NR3C2: variants seen among roughly 807,000 people sequenced by gnomAD.
The protein encoded by NR3C2 is nuclear receptor subfamily 3 group C member 2, also known as mineralocorticoid receptor.
Under a neutral mutation model 86.4 loss-of-function variants are expected in NR3C2, and 15 were observed. That is an observed-to-expected ratio of 0.17 (90% CI 0.12 to 0.27). The LOEUF (loss-of-function observed/expected upper bound fraction) is 0.27, where lower values mean the gene tolerates loss of function less well. Among genes scored for constraint, NR3C2 ranks in the 10% least tolerant of loss-of-function variants. The pLI is 1.00. For synonymous variants in NR3C2, 458 were observed against 450.5 expected, an observed-to-expected ratio of 1.02 and a Z score of -0.21; for missense variants, 960 against 1,195.6, an observed-to-expected ratio of 0.80 and a Z score of 2.91.
chr4:148,254,848 A>G (rs544724054), intron 3 of NR3C2, among the ~76,000 whole-genome samples: 3 of 152,214 alleles, frequency 2.0e-5, no homozygotes, highest in Non-Finnish European at 2.9e-5. Flanking sequence ...CTTCCTGTAC[A>G]TGATTCATGG....
chr4:148,304,700 G>C (rs6854097), intron 2 of NR3C2, among the ~76,000 whole-genome samples: 1 of 151,964 alleles, frequency 6.6e-6, no homozygotes, highest in Non-Finnish European at 1.5e-5. Flanking sequence ...AGATGCAGGA[G>C]GAAGATAAGG....
intron 8 of NR3C2, among the ~76,000 whole-genome samples, chr4:148,082,681 T>TTTTC (rs1730630534): frequency 6.6e-6 from 1 of 151,066 alleles, no homozygotes; most frequent in Non-Finnish European, 1.5e-5. Flanking sequence ...TTTTTTTTTT[T>TTTTC]TCATACCCCA....
chr4:148,312,608 G>T (rs1177237298), intron 2 of NR3C2, among the ~76,000 whole-genome samples: 1 of 152,096 alleles, frequency 6.6e-6, no homozygotes, highest in Non-Finnish European at 1.5e-5. Context: ...AAAGCCACCT[G>T]CAAAAGTATA....
chr4:148,317,465 T>C (rs1484746831), intron 2 of NR3C2, among the ~76,000 whole-genome samples: 1 of 152,086 alleles, frequency 6.6e-6, no homozygotes, highest in Non-Finnish European at 1.5e-5. Context: ...ATATCCGCAA[T>C]ATCCCAACTA....
intron 2 of NR3C2, among the ~76,000 whole-genome samples, chr4:148,392,784 TAC>T (rs1747654931): frequency 6.6e-6 from 1 of 152,374 alleles, no homozygotes. Context: ...CTGAGACATG[TAC>T]ATCTGCGAAA....
At chr4:148,227,036 T>C (rs748672139) in intron 3 of NR3C2, among the ~76,000 whole-genome samples, 4 of 152,192 alleles carry the variant, frequency 2.6e-5, no homozygotes, top group Non-Finnish European at 5.9e-5. Flanking sequence ...AAATCTTACA[T>C]AAATATCTTA....
chr4:148,138,868 G>C (rs780762743), intron 6 of NR3C2, among the ~76,000 whole-genome samples: 1 of 152,210 alleles, frequency 6.6e-6, no homozygotes, highest in South Asian at 2.1e-4. Context: ...TGTTCTGATA[G>C]GAGTGGGTTA....
chr4:148,132,534 C>A (rs1309625120), intron 6 of NR3C2, among the ~76,000 whole-genome samples: 1 of 152,226 alleles, frequency 6.6e-6, no homozygotes, highest in Non-Finnish European at 1.5e-5. Context: ...GAAGAGCCTA[C>A]TACCAGAGGC....
At chr4:148,333,623 A>G (rs1442224357) in intron 2 of NR3C2, among the ~76,000 whole-genome samples, 1 of 152,148 alleles carries the variant, frequency 6.6e-6, no homozygotes, top group Non-Finnish European at 1.5e-5. Context: ...CTAGTCCCAC[A>G]CAGTCACCTC....
Position 148,319,469 on chromosome 4 carries a change from G to C in NR3C2, c.1758-59352C>G, listed in dbSNP as rs372516350. 5.3e-5 allele frequency among the ~76,000 whole-genome samples: 8 copies of C among 151,682 alleles called. No individual in the cohort carries two copies. The East Asian group carries it at 1.6e-3, about 29-fold the overall frequency. On this transcript the variant is annotated intron_variant, in intron 2 of 8. Transcript: ENST00000358102. ...TTGAATCTATAAATTACCTTGGGCA[G>C]TATGGCCATTTTCACGATATTGATT... is the stretch of plus-strand genomic sequence containing the variant.
chr4:148,264,939 A>G (rs1740301618), intron 2 of NR3C2, among the ~76,000 whole-genome samples: 1 of 152,222 alleles, frequency 6.6e-6, no homozygotes, highest in Non-Finnish European at 1.5e-5. Context: ...AAAATGTCTG[A>G]ATAAATGTAA....
intron 2 of NR3C2, among the ~76,000 whole-genome samples, chr4:148,376,466 A>G (rs1218081262): frequency 2.0e-5 from 3 of 152,180 alleles, no homozygotes; most frequent in Non-Finnish European, 4.4e-5. Context: ...CATGCAATAG[A>G]CCCTTTCCTT....
At chr4:148,289,397 T>G (rs890689321) in intron 2 of NR3C2, among the ~76,000 whole-genome samples, 1 of 152,144 alleles carries the variant, frequency 6.6e-6, no homozygotes, top group African/African-American at 2.4e-5. Flanking sequence ...TCAAAGAACA[T>G]TTTTAAAAGT....
At chr4:148,292,286 T>C (rs1317706643) in intron 2 of NR3C2, among the ~76,000 whole-genome samples, 1 of 152,092 alleles carries the variant, frequency 6.6e-6, no homozygotes, top group Non-Finnish European at 1.5e-5. Flanking sequence ...GCTGTCATCC[T>C]GATATTTTCT....
intron 2 of NR3C2, among the ~76,000 whole-genome samples, chr4:148,352,114 C>T (rs1268273813): frequency 6.6e-6 from 1 of 152,124 alleles, no homozygotes; most frequent in Non-Finnish European, 1.5e-5. Context: ...TTGCAGACTT[C>T]CTTAAACAAT....
At chr4:148,416,318 CA>C (rs1358854022) in intron 2 of NR3C2, among the ~76,000 whole-genome samples, 2 of 152,122 alleles carry the variant, frequency 1.3e-5, no homozygotes, top group East Asian at 3.9e-4. Flanking sequence ...AATAATATAG[CA>C]AATACATTTA....
At chr4:148,384,450 T>A (rs1159417168) in intron 2 of NR3C2, among the ~76,000 whole-genome samples, 1 of 151,548 alleles carries the variant, frequency 6.6e-6, no homozygotes, top group Non-Finnish European at 1.5e-5. Context: ...ACATACTATA[T>A]ATTACAATCC....
chr4:148,414,078 T>A (rs1244883992), intron 2 of NR3C2, among the ~76,000 whole-genome samples: 1 of 152,184 alleles, frequency 6.6e-6, no homozygotes, highest in Admixed American at 6.5e-5. Flanking sequence ...GGGAACCAGA[T>A]AAGCGATAGA....
At chr4:148,276,377 T>C (rs549272271) in intron 2 of NR3C2, among the ~76,000 whole-genome samples, 1 of 152,302 alleles carries the variant, frequency 6.6e-6, no homozygotes, top group Non-Finnish European at 1.5e-5. Context: ...TCTTATCATT[T>C]GCATTTTACA....
Sources: allele counts gnomAD v4.1 joint callset (sites outside exome capture counted in the v4.1 genomes callset), GRCh38; gene constraint gnomAD v4.1.1; transcripts MANE v1.5; gene names NCBI Gene and HGNC (gene_info 2026-07-23, HGNC 2026-07-21).